The following FYN variants were observed in gnomAD, a reference collection of about 807,000 sequenced individuals.
The protein encoded by FYN is FYN proto-oncogene, Src family tyrosine kinase.
FYN carries 10 observed loss-of-function variants against 70.2 expected under a neutral mutation model. That is an observed-to-expected ratio of 0.14 (90% CI 0.09 to 0.24). FYN has a LOEUF of 0.24. Among genes scored for constraint, FYN ranks in the 10% least tolerant of loss-of-function variants. FYN has a pLI of 1.00. For missense variants in FYN, 319 were observed against 673.1 expected, an observed-to-expected ratio of 0.47 and a Z score of 5.82; for synonymous variants, 236 against 248.6, an observed-to-expected ratio of 0.95 and a Z score of 0.48.
intron 2 of FYN, among the ~76,000 whole-genome samples, chr6:111,834,436 C>T (rs1460420332): frequency 1.3e-5 from 2 of 152,174 alleles, no homozygotes; most frequent in East Asian, 3.9e-4. Flanking sequence ...CTCTGACCCT[C>T]TGTAGGGCCT....
chr6:111,801,356 G>A (rs1336433033), intron 2 of FYN, among the ~76,000 whole-genome samples: 3 of 152,132 alleles, frequency 2.0e-5, no homozygotes, highest in Non-Finnish European at 4.4e-5. Context: ...TCCATACACC[G>A]TGTACATTTT....
chr6:111,765,374 C>G (rs1275181590), intron 3 of FYN, among the ~76,000 whole-genome samples: 2 of 152,076 alleles, frequency 1.3e-5, no homozygotes, highest in Admixed American at 6.5e-5. Context: ...GAAGAGACAG[C>G]AGGGGAACTT....
intron 3 of FYN, among the ~76,000 whole-genome samples, chr6:111,761,082 T>C (rs1583417867): frequency 6.6e-6 from 1 of 152,190 alleles, no homozygotes; most frequent in Admixed American, 6.5e-5. Flanking sequence ...TGTGTTCACA[T>C]CACCAGCCAG....
intron 2 of FYN, among the ~76,000 whole-genome samples, chr6:111,825,438 G>T (rs898141033): frequency 9.9e-5 from 15 of 152,168 alleles, no homozygotes; most frequent in Non-Finnish European, 2.1e-4. Flanking sequence ...TCTATCACAG[G>T]ATACCAGGCA....
At chr6:111,831,375 C>T (rs1011531313) in intron 2 of FYN, among the ~76,000 whole-genome samples, 2 of 152,148 alleles carry the variant, frequency 1.3e-5, no homozygotes, top group African/African-American at 4.8e-5. Flanking sequence ...GGCAAACATA[C>T]TTAACTCAAA....
At chr6:111,686,386 GT>G (rs1314858812) in intron 12 of FYN, among the ~76,000 whole-genome samples, 2 of 152,176 alleles carry the variant, frequency 1.3e-5, no homozygotes, top group African/African-American at 4.8e-5. Flanking sequence ...GGAAAGCCGT[GT>G]CTGACCTCGG....
intron 3 of FYN, among the ~76,000 whole-genome samples, chr6:111,772,905 T>C (rs910924531): frequency 1.3e-5 from 2 of 152,012 alleles, no homozygotes; most frequent in African/African-American, 4.8e-5. Flanking sequence ...TTGTTGAAAT[T>C]TGAATATGAA....
At chr6:111,834,654 T>C (rs918127046) in intron 2 of FYN, among the ~76,000 whole-genome samples, 2 of 152,186 alleles carry the variant, frequency 1.3e-5, no homozygotes, top group Non-Finnish European at 2.9e-5. Context: ...GGAGTGCCCA[T>C]TTCTAATCTG....
At chr6:111,870,796 A>G (rs1437824724) in intron 1 of FYN, among the ~76,000 whole-genome samples, 1 of 152,230 alleles carries the variant, frequency 6.6e-6, no homozygotes, top group African/African-American at 2.4e-5. Flanking sequence ...CAGACCCAGG[A>G]GAAAGCAGAG....
At chr6:111,824,076 T>C (rs1054059228) in intron 2 of FYN, among the ~76,000 whole-genome samples, 1 of 152,204 alleles carries the variant, frequency 6.6e-6, no homozygotes, top group East Asian at 1.9e-4. Context: ...TTAAAAAGCA[T>C]AGCAACTCTA....
chr6:111,849,496 AG>A (rs1773625614), intron 1 of FYN, among the ~76,000 whole-genome samples: 1 of 152,212 alleles, frequency 6.6e-6, no homozygotes, highest in Non-Finnish European at 1.5e-5. Context: ...ACACAGTCAA[AG>A]GAGCATGGGC....
At chr6:111,783,109 G>A (rs943369171) in intron 2 of FYN, among the ~76,000 whole-genome samples, 5 of 152,172 alleles carry the variant, frequency 3.3e-5, no homozygotes, top group Non-Finnish European at 5.9e-5. Context: ...TTCCTGAACA[G>A]CTGCAGCTCA....
At chr6:111,708,061 A>G (rs764565584) in intron 5 of FYN, 41 bp from the exon 6 acceptor site, 7 of 1,486,222 alleles carry the variant, frequency 4.7e-6, no homozygotes, top group Non-Finnish European at 9.4e-7. Context: ...GACCATTTCA[A>G]CAGCTTGCAG....
chr6:111,845,449 G>A (rs550565221), intron 2 of FYN, among the ~76,000 whole-genome samples: 20 of 152,334 alleles, frequency 1.3e-4, no homozygotes, highest in Non-Finnish European at 2.2e-4. Flanking sequence ...TGAAAAGCCC[G>A]TGACTAGCAG....
chr6:111,801,289 G>C (rs1218742807), intron 2 of FYN, among the ~76,000 whole-genome samples: 1 of 152,110 alleles, frequency 6.6e-6, no homozygotes, highest in African/African-American at 2.4e-5. Flanking sequence ...AGGTTTAAGG[G>C]GGTACTGAAT....
intron 2 of FYN, among the ~76,000 whole-genome samples, chr6:111,782,458 T>C (rs547485082): frequency 2.3e-4 from 35 of 152,300 alleles, no homozygotes; most frequent in African/African-American, 8.4e-4. Flanking sequence ...AACATGTAGA[T>C]GGGACACCTA....
chr6:111,751,764 T>C (rs536811947), intron 3 of FYN, among the ~76,000 whole-genome samples: 2 of 152,188 alleles, frequency 1.3e-5, no homozygotes, highest in African/African-American at 4.8e-5. Flanking sequence ...GGGACTACAG[T>C]TGTGCACCAC....
At position 111,774,695 on chromosome 6, in the gene FYN, T is replaced by C. The variant is rs572331090; in HGVS notation, c.-12+5871A>G. Among the ~76,000 whole-genome samples, 135 of 151,668 alleles carry C rather than the reference T, an allele frequency of 8.9e-4. 2 individuals carry two copies. The highest frequency in any genetic ancestry group is 1.5e-3 in the African/African-American group (64 of 41,334). On this transcript the variant is annotated intron_variant, in intron 3 of 13. Transcript: ENST00000354650. ...GAAGATCAAATGTGCTGCAGCTTTTTCCCCCCCTACTTATTAAGGGGATGG... is the reference window on the plus strand; with the variant it reads ...GAAGATCAAATGTGCTGCAGCTTTTCCCCCCCCTACTTATTAAGGGGATGG...
intron 3 of FYN, among the ~76,000 whole-genome samples, chr6:111,730,176 G>C (rs1264998218): frequency 6.6e-6 from 1 of 152,234 alleles, no homozygotes; most frequent in Non-Finnish European, 1.5e-5. Flanking sequence ...AAAGTAAGCA[G>C]TGAGGCGCAG....
Sources: gnomAD v4.1 joint callset for allele counts (sites outside exome capture counted in the v4.1 genomes callset) on GRCh38, gnomAD v4.1.1 for gene constraint, MANE v1.5 for transcripts, NCBI Gene and HGNC (gene_info 2026-07-23, HGNC 2026-07-21) for gene names.